The following NLGN1 variants were observed in gnomAD, a reference collection of about 807,000 sequenced individuals.
NLGN1 encodes neuroligin-1.
In NLGN1, 12 loss-of-function variants were observed where a neutral mutation model predicts 65.5. That is an observed-to-expected ratio of 0.18 (90% confidence interval 0.12 to 0.30). The LOEUF (loss-of-function observed/expected upper bound fraction) is 0.30, where lower values mean the gene tolerates loss of function less well. Ranked by LOEUF, NLGN1 falls within the 10% of genes least tolerant of loss-of-function variation. The probability of loss-of-function intolerance (pLI) is 1.00; values close to 1 mark genes in which losing one functional copy is unlikely to be tolerated. For missense variants in NLGN1, 750 were observed against 1,007.1 expected (o/e 0.74, Z 3.46); for synonymous variants, 350 against 359.5 (o/e 0.97, Z 0.30).
chr3:174,163,562 T>C (rs1358267571), intron 4 of NLGN1, among the ~76,000 whole-genome samples: 1 of 151,974 alleles, frequency 6.6e-6, no homozygotes, highest in Non-Finnish European at 1.5e-5. Context: ...CCCAACAGTT[T>C]TTCAACCCTT....
intron 2 of NLGN1, among the ~76,000 whole-genome samples, chr3:173,554,978 G>GT (rs1741480387): frequency 6.6e-6 from 1 of 152,114 alleles, no homozygotes; most frequent in Non-Finnish European, 1.5e-5. Context: ...TCTCATTGTG[G>GT]TTTTTAACTT....
At chr3:174,118,371 C>A (rs2152637747) in intron 4 of NLGN1, among the ~76,000 whole-genome samples, 1 of 152,210 alleles carries the variant, frequency 6.6e-6, no homozygotes. Flanking sequence ...CCAAGCCATT[C>A]ATTTTTGGAA....
At position 174,076,724 on chromosome 3, in the gene NLGN1, A is replaced by AGTGTGT. The variant is rs143103332; in HGVS notation, c.647-198558_647-198553dup. On this transcript the variant is annotated intron_variant, in intron 4 of 6. Coordinates refer to ENST00000457714, the Ensembl canonical transcript of NLGN1. ...GAGAGAGAGAGAGAGAGAGAGAGAG[A>AGTGTGT]GTGTGTGTGTGTGTGTGTGTGTGTG... 3.7e-4 allele frequency among the ~76,000 whole-genome samples: 30 copies of AGTGTGT among 82,132 alleles called. 1 individual carries two copies. Among genetic ancestry groups the AGTGTGT allele is most frequent in the Admixed American group, 1.1e-3 (8 of 7,524 alleles). The allele number at this position is 82,132 out of a possible 152,430, so 53.9% of individuals were successfully genotyped here. A position where few individuals can be genotyped will look rare whatever the true frequency, so the allele number is the denominator to read the frequency against.
chr3:174,142,136 T>G (rs534225456), intron 4 of NLGN1, among the ~76,000 whole-genome samples: 1 of 152,180 alleles, frequency 6.6e-6, no homozygotes, highest in South Asian at 2.1e-4. Flanking sequence ...CCTAAATATA[T>G]AGTATCATTT....
intron 1 of NLGN1, among the ~76,000 whole-genome samples, chr3:173,403,471 A>G (rs1271893766): frequency 6.6e-6 from 1 of 152,124 alleles, no homozygotes; most frequent in Non-Finnish European, 1.5e-5. Flanking sequence ...AGGACTTCAT[A>G]TATGCTTTGC....
At chr3:173,628,403 G>T (rs1755135868) in intron 3 of NLGN1, among the ~76,000 whole-genome samples, 1 of 152,010 alleles carries the variant, frequency 6.6e-6, no homozygotes, top group Non-Finnish European at 1.5e-5. Context: ...ACATTAATAA[G>T]CATCCACATG....
At chr3:173,774,956 T>C (rs1780087812) in intron 3 of NLGN1, among the ~76,000 whole-genome samples, 1 of 152,200 alleles carries the variant, frequency 6.6e-6, no homozygotes, top group East Asian at 1.9e-4. Flanking sequence ...TCTACTAGTT[T>C]TGAAAAGGTT....
intron 4 of NLGN1, among the ~76,000 whole-genome samples, chr3:174,147,875 A>T (rs538783604): frequency 6.6e-6 from 1 of 152,294 alleles, no homozygotes; most frequent in African/African-American, 2.4e-5. Flanking sequence ...GCATATGAAT[A>T]ATACATGATA....
At chr3:174,034,691 A>G (rs1349217521) in intron 4 of NLGN1, among the ~76,000 whole-genome samples, 3 of 152,152 alleles carry the variant, frequency 2.0e-5, no homozygotes, top group Non-Finnish European at 2.9e-5. Flanking sequence ...TATAGTTGAT[A>G]AACTAAAAGA....
intron 4 of NLGN1, among the ~76,000 whole-genome samples, chr3:173,988,075 C>T (rs1720329074): frequency 6.6e-6 from 1 of 152,098 alleles, no homozygotes; most frequent in South Asian, 2.1e-4. Context: ...TTCTCAATTA[C>T]AGAATATGCC....
chr3:174,017,930 A>G (rs1276342145), intron 4 of NLGN1, among the ~76,000 whole-genome samples: 3 of 152,130 alleles, frequency 2.0e-5, no homozygotes, highest in Non-Finnish European at 2.9e-5. Flanking sequence ...GGTCTGACCA[A>G]AATTTATTAG....
At chr3:174,090,978 A>G (rs1374829276) in intron 4 of NLGN1, among the ~76,000 whole-genome samples, 1 of 152,158 alleles carries the variant, frequency 6.6e-6, no homozygotes, top group Non-Finnish European at 1.5e-5. Flanking sequence ...AACAATTGTA[A>G]ATAACATTGT....
chr3:173,668,618 T>C (rs574086523), intron 3 of NLGN1, among the ~76,000 whole-genome samples: 1 of 135,952 alleles, frequency 7.4e-6, no homozygotes, highest in Admixed American at 7.3e-5. Flanking sequence ...ACTTTTCTTT[T>C]CTTTTTTTTT....
intron 2 of NLGN1, among the ~76,000 whole-genome samples, chr3:173,585,976 T>G (rs2149380668): frequency 6.6e-6 from 1 of 152,318 alleles, no homozygotes; most frequent in Admixed American, 6.5e-5. Flanking sequence ...TAAAAGTTGC[T>G]TTGGAACCCA....
intron 4 of NLGN1, among the ~76,000 whole-genome samples, chr3:174,185,392 C>T (rs957014015): frequency 1.3e-5 from 2 of 152,104 alleles, no homozygotes; most frequent in Non-Finnish European, 2.9e-5. Context: ...TAGACAAATA[C>T]GGCCACTGAA....
At chr3:173,839,899 A>C (rs1578724746) in intron 4 of NLGN1, among the ~76,000 whole-genome samples, 2 of 152,252 alleles carry the variant, frequency 1.3e-5, no homozygotes, top group Admixed American at 6.5e-5. Context: ...CCCTATTCTT[A>C]TTTTCCCAAC....
intron 2 of NLGN1, among the ~76,000 whole-genome samples, chr3:173,473,441 G>C (rs1725635759): frequency 6.6e-6 from 1 of 152,160 alleles, no homozygotes; most frequent in Non-Finnish European, 1.5e-5. Flanking sequence ...ATGCTGACTT[G>C]CAGAAAAGAT....
chr3:173,829,258 A>G (rs1003387593), intron 4 of NLGN1, among the ~76,000 whole-genome samples: 1 of 152,078 alleles, frequency 6.6e-6, no homozygotes, highest in African/African-American at 2.4e-5. Flanking sequence ...GGGTAGATTA[A>G]ATTTGAAATG....
chr3:174,137,921 T>C (rs773185095), intron 4 of NLGN1, among the ~76,000 whole-genome samples: 5 of 152,178 alleles, frequency 3.3e-5, no homozygotes, highest in Admixed American at 2.6e-4. Flanking sequence ...ATCATTTATC[T>C]GGTAACATTT....
Sources: allele counts gnomAD v4.1 joint callset (sites outside exome capture counted in the v4.1 genomes callset), GRCh38; gene constraint gnomAD v4.1.1; transcripts MANE v1.5; gene names NCBI Gene and HGNC (gene_info 2026-07-23, HGNC 2026-07-21).